Variants in ZNF582 observed in about 807,000 individuals in gnomAD.
The protein encoded by ZNF582 is zinc finger protein 582.
A neutral mutation model predicts 12.3 loss-of-function variants in ZNF582; 14 were observed. That is an observed-to-expected ratio of 1.14 (90% CI 0.75 to 1.78). The LOEUF (loss-of-function observed/expected upper bound fraction) is 1.78. Among genes scored for constraint, ZNF582 ranks in the 40% most tolerant of loss-of-function variants. The pLI, the probability that ZNF582 is intolerant of heterozygous loss-of-function variation, is 0.00. For missense variants in ZNF582, 567 were observed against 616.5 expected (o/e 0.92, Z 0.85); for synonymous variants, 210 against 207.2 (o/e 1.01, Z -0.11).
At chr19:56,385,307 A>G in intron 4 of ZNF582, 123 bp from the exon 5 acceptor site, 1 of 994,144 alleles carries the variant, frequency 1.0e-6, no homozygotes, top group Non-Finnish European at 1.4e-6. Flanking sequence ...AAGCAATTAT[A>G]AAATGGACAA....
intron 2 of ZNF582, 52 bp downstream of exon 2, chr19:56,391,692 T>G: frequency 6.4e-7 from 1 of 1,553,946 alleles, no homozygotes. Flanking sequence ...GGAACCCAGG[T>G]GGAAAGTTTC....
chr19:56,383,959 CT>C lies in ZNF582; in HGVS notation c.1457del (p.Lys486SerfsTer10). 8 of 1,613,622 alleles carry C rather than the reference CT, an allele frequency of 5.0e-6. No individual in the cohort carries two copies. The highest frequency in any genetic ancestry group is 6.8e-6 in the Non-Finnish European group (8 of 1,179,894). ...GTAAGGGGTAACTGCTGATGGAAGG[CT>C]TTTCTACATTTATTATATTCACATG... is the stretch of plus-strand genomic sequence containing the variant. On this transcript the variant is annotated frameshift_variant, in exon 5 of 5. Coordinates refer to ENST00000586929, the Ensembl canonical transcript of ZNF582. LOFTEE classifies it low-confidence loss of function (END_TRUNC).
intron 2 of ZNF582, 83 bp from the exon 3 acceptor site, chr19:56,390,584 A>AG (rs2042007180): frequency 1.6e-5 from 23 of 1,461,826 alleles, no homozygotes; most frequent in Middle Eastern, 3.6e-4. Context: ...TCTTTGCGGG[A>AG]GGGGGGGTTG....
chr19:56,392,420 C>G (rs757541167), intron 1 of ZNF582, among the ~76,000 whole-genome samples: 3 of 152,216 alleles, frequency 2.0e-5, no homozygotes, highest in Non-Finnish European at 1.5e-5. Context: ...ACACAGCACG[C>G]CCAGTGCTCC....
rs2042015729 is a variant in ZNF582 at position 56,391,775 on chromosome 19, G to T, written c.-23C>A. 2.5e-6 allele frequency: 4 copies of T among 1,614,078 alleles called. No homozygotes were observed. The highest frequency in any genetic ancestry group is 2.7e-5 in the African/African-American group (2 of 74,932). On this transcript the variant is annotated 5_prime_UTR_variant, in exon 2 of 5. The change creates a premature stop within an existing upstream ORF in the 5' untranslated region. Coordinates refer to ENST00000586929, the Ensembl canonical transcript of ZNF582. ...CATGACTTTTAGAATTTCAAGGGCT[G>T]ATAGGTCCTCCTTCTGGTTCCTCTC...
intron 4 of ZNF582, chr19:56,388,352 G>A (rs543080818): frequency 6.6e-6 from 1 of 152,288 alleles, no homozygotes; most frequent in African/African-American, 2.4e-5. Flanking sequence ...GAAACAAATG[G>A]TGAAAGGGAG....
chr19:56,390,000 C>T lies in ZNF582; in HGVS notation c.232+1G>A. 6.2e-7 allele frequency: 1 copy of T among 1,613,616 alleles called. No individual in the cohort carries two copies. Among genetic ancestry groups the T allele is most frequent in the African/African-American group, 1.3e-5 (1 of 74,974 alleles). ...TCCCTTCCCAATGATACCTCACTCA[C>T]CTGGACACAGGCCTCCAGACACCAC... On this transcript the variant is annotated splice_donor_variant, in intron 4 of 4. Coordinates refer to ENST00000586929, the Ensembl canonical transcript of ZNF582. LOFTEE classifies it high-confidence loss of function.
intron 4 of ZNF582, among the ~76,000 whole-genome samples, chr19:56,389,323 G>A (rs751138218): frequency 4.6e-5 from 7 of 152,142 alleles, no homozygotes; most frequent in Non-Finnish European, 7.3e-5. Context: ...CAAACAAACC[G>A]ATACAAATTC....
At chr19:56,391,116 A>T (rs576168524) in intron 2 of ZNF582, among the ~76,000 whole-genome samples, 1 of 152,144 alleles carries the variant, frequency 6.6e-6, no homozygotes, top group Non-Finnish European at 1.5e-5. Context: ...CTTATTTTGG[A>T]TCCCGAGGTT....
intron 4 of ZNF582, among the ~76,000 whole-genome samples, 184 bp downstream of exon 4, chr19:56,389,817 A>G (rs968288185): frequency 4.6e-5 from 7 of 152,132 alleles, no homozygotes; most frequent in Admixed American, 2.6e-4. Context: ...GAATTTTTAA[A>G]GTGTTTCAGG....
exon 5 of ZNF582, chr19:56,384,118 A>T: frequency 1.9e-6 from 3 of 1,612,766 alleles, no homozygotes; most frequent in Non-Finnish European, 2.5e-6. Context: ...GTGAGCAATG[A>T]CTAAAAGCCT....
intron 4 of ZNF582, among the ~76,000 whole-genome samples, chr19:56,386,900 C>T (rs1455737819): frequency 6.6e-6 from 1 of 152,238 alleles, no homozygotes; most frequent in African/African-American, 2.4e-5. Flanking sequence ...CTGAATCATA[C>T]ATCATAGATT....
chr19:56,388,724 CCG>C (rs2041990514), intron 4 of ZNF582, among the ~76,000 whole-genome samples: 1 of 152,112 alleles, frequency 6.6e-6, no homozygotes, highest in Non-Finnish European at 1.5e-5. Flanking sequence ...TCTCCGCCTC[CCG>C]TGTTCAAGCG....
At chr19:56,383,862 C>A (rs1401240132) in exon 5 of ZNF582, 1 of 1,557,562 alleles carries the variant, frequency 6.4e-7, no homozygotes, top group African/African-American at 1.4e-5. Context: ...TCACAATTAG[C>A]CTAGGCTAAT....
At chr19:56,390,048 T>C in exon 4 of ZNF582, 1 of 1,613,930 alleles carries the variant, frequency 6.2e-7, no homozygotes, top group Non-Finnish European at 8.5e-7. Context: ...CCAGGGCTCT[T>C]TGCCTTGCTC....
chr19:56,390,492 A>G (rs1182643362), exon 3 of ZNF582: 2 of 1,614,090 alleles, frequency 1.2e-6, no homozygotes, highest in Non-Finnish European at 1.7e-6. Flanking sequence ...TCCCTGAACA[A>G]TTCTGACCCC....
exon 5 of ZNF582, chr19:56,385,083 C>T: frequency 6.2e-7 from 1 of 1,614,032 alleles, no homozygotes; most frequent in Non-Finnish European, 8.5e-7. Flanking sequence ...CACTCAAGAC[C>T]ATAACTTGTA....
At chr19:56,383,783 T>C in exon 5 of ZNF582, 1 of 1,456,054 alleles carries the variant, frequency 6.9e-7, no homozygotes, top group Non-Finnish European at 9.1e-7. Context: ...GGCTTACCTC[T>C]GAATGAAGGC....
exon 1 of ZNF582, chr19:56,393,357 T>A: frequency 3.1e-6 from 3 of 965,854 alleles, no homozygotes; most frequent in Non-Finnish European, 4.3e-6. Flanking sequence ...GACGTCTGCG[T>A]TCTTCTCAGG....
Sources: gnomAD v4.1 joint callset for allele counts (sites outside exome capture counted in the v4.1 genomes callset) on GRCh38, gnomAD v4.1.1 for gene constraint, MANE v1.5 for transcripts, NCBI Gene and HGNC (gene_info 2026-07-23, HGNC 2026-07-21) for gene names.